TACR3: variants seen among roughly 807,000 people sequenced by gnomAD.
TACR3 encodes neuromedin-K receptor.
A neutral mutation model predicts 35.0 loss-of-function variants in TACR3; 34 were observed. The ratio of observed to expected loss-of-function variants is 0.97; its 90% CI spans 0.74 to 1.30. The LOEUF (loss-of-function observed/expected upper bound fraction) is 1.30, where lower values mean the gene tolerates loss of function less well. Among genes scored for constraint, TACR3 ranks in the 50% most tolerant of loss-of-function variants. The probability of loss-of-function intolerance (pLI) is 0.00; values close to 1 mark genes in which losing one functional copy is unlikely to be tolerated. For synonymous variants in TACR3, 233 were observed against 221.1 expected (o/e 1.05, Z -0.48); for missense variants, 558 against 591.7 (o/e 0.94, Z 0.59).
intron 3 of TACR3, among the ~76,000 whole-genome samples, chr4:103,650,762 TG>T (rs1725591036): frequency 2.2e-5 from 2 of 89,896 alleles, no homozygotes; most frequent in African/African-American, 9.3e-5. Context: ...ATATTATATA[TG>T]ATGTATATAA....
chr4:103,719,697 G>T lies in TACR3; in HGVS notation c.-22C>A. 1 of 1,605,020 alleles carries T rather than the reference G, an allele frequency of 6.2e-7. No homozygotes were observed. Among genetic ancestry groups the T allele is most frequent in the Non-Finnish European group, 8.5e-7 (1 of 1,179,928 alleles). ...CCATCGCCACCGGTCTGCAGTCCCG[G>T]ACCCTCCCACTCACCCACGGGCAGC... is the stretch of plus-strand genomic sequence containing the variant. On this transcript the variant is annotated 5_prime_UTR_variant, in exon 1 of 5. Coordinates refer to ENST00000304883, the MANE Select transcript of TACR3 (RefSeq NM_001059.3).
chr4:103,697,329 G>A (rs1406094489), intron 1 of TACR3, among the ~76,000 whole-genome samples: 1 of 152,158 alleles, frequency 6.6e-6, no homozygotes, highest in African/African-American at 2.4e-5. Flanking sequence ...GTTAATGTGT[G>A]AGTTAATATG....
intron 1 of TACR3, among the ~76,000 whole-genome samples, chr4:103,701,074 A>G (rs1722638761): frequency 6.6e-6 from 1 of 152,104 alleles, no homozygotes. Context: ...GAAGGAAATA[A>G]AGGGTATTCA....
chr4:103,661,537 A>G (rs997904788), intron 1 of TACR3, among the ~76,000 whole-genome samples: 5 of 152,150 alleles, frequency 3.3e-5, no homozygotes, highest in African/African-American at 1.2e-4. Flanking sequence ...GAGTAAAGGG[A>G]GAAGTGGAAT....
At chr4:103,656,731 A>T (rs559516045) in intron 2 of TACR3, among the ~76,000 whole-genome samples, 1 of 152,120 alleles carries the variant, frequency 6.6e-6, no homozygotes, top group African/African-American at 2.4e-5. Flanking sequence ...AAATGAATCA[A>T]CCGGCATATG....
intron 3 of TACR3, among the ~76,000 whole-genome samples, chr4:103,595,550 T>C (rs1560798823): frequency 6.6e-6 from 1 of 152,116 alleles, no homozygotes; most frequent in East Asian, 1.9e-4. Context: ...GATTTTTGTA[T>C]ACCGTACAGA....
intron 3 of TACR3, among the ~76,000 whole-genome samples, chr4:103,628,379 C>T (rs1182926811): frequency 6.7e-6 from 1 of 149,116 alleles, no homozygotes; most frequent in Non-Finnish European, 1.5e-5. Context: ...AAAAGATCAA[C>T]AAAATTGATG....
At chr4:103,694,177 A>G (rs979842640) in intron 1 of TACR3, among the ~76,000 whole-genome samples, 1 of 151,748 alleles carries the variant, frequency 6.6e-6, no homozygotes, top group South Asian at 2.1e-4. Flanking sequence ...ACTTTTTAAA[A>G]CTCTACATCC....
At chr4:103,599,316 CTT>C (rs1315403481) in intron 3 of TACR3, among the ~76,000 whole-genome samples, 1 of 152,184 alleles carries the variant, frequency 6.6e-6, no homozygotes. Flanking sequence ...TATCCTGAGA[CTT>C]TGCTGAAGTT....
chr4:103,638,390 T>G (rs1390075254), intron 3 of TACR3, among the ~76,000 whole-genome samples: 1 of 151,920 alleles, frequency 6.6e-6, no homozygotes, highest in Non-Finnish European at 1.5e-5. Flanking sequence ...TAGCCATATG[T>G]AGAAAGCTGA....
chr4:103,677,730 A>G (rs1726202484), intron 1 of TACR3, among the ~76,000 whole-genome samples: 2 of 152,116 alleles, frequency 1.3e-5, no homozygotes, highest in Admixed American at 1.3e-4. Context: ...GAGGAAGAAG[A>G]GCATCATGAA....
chr4:103,716,471 C>T (rs750343614), intron 1 of TACR3, among the ~76,000 whole-genome samples: 3 of 152,002 alleles, frequency 2.0e-5, no homozygotes, highest in African/African-American at 7.3e-5. Flanking sequence ...TTATTTAAAT[C>T]GTGAAAATAG....
At chr4:103,635,934 C>A (rs1045049505) in intron 3 of TACR3, among the ~76,000 whole-genome samples, 2 of 151,898 alleles carry the variant, frequency 1.3e-5, no homozygotes, top group Non-Finnish European at 2.9e-5. Context: ...TTTGTATCAT[C>A]ACTCTCCTTT....
intron 3 of TACR3, among the ~76,000 whole-genome samples, chr4:103,641,698 C>G (rs1206288221): frequency 6.6e-6 from 1 of 151,888 alleles, no homozygotes. Flanking sequence ...CAACATTATT[C>G]ACAATAGCCA....
intron 1 of TACR3, among the ~76,000 whole-genome samples, chr4:103,702,180 C>T (rs1722666926): frequency 6.6e-6 from 1 of 152,164 alleles, no homozygotes; most frequent in Admixed American, 6.5e-5. Flanking sequence ...CCAGAATCTA[C>T]AATGAACTCA....
intron 3 of TACR3, among the ~76,000 whole-genome samples, chr4:103,655,959 G>A (rs975061002): frequency 1.3e-5 from 2 of 151,794 alleles, no homozygotes; most frequent in African/African-American, 4.8e-5. Context: ...TTTACAAAAG[G>A]CAATTTTTAA....
chr4:103,630,969 G>T (rs1426987860), intron 3 of TACR3, among the ~76,000 whole-genome samples: 1 of 152,122 alleles, frequency 6.6e-6, no homozygotes, highest in Non-Finnish European at 1.5e-5. Flanking sequence ...AGAAAATGTG[G>T]CACATATACA....
At chr4:103,668,119 G>C (rs62340658) in intron 1 of TACR3, among the ~76,000 whole-genome samples, 1 of 152,088 alleles carries the variant, frequency 6.6e-6, no homozygotes, top group East Asian at 1.9e-4. Flanking sequence ...CACCTGGCCA[G>C]AAGATTATTT....
chr4:103,714,392 G>T (rs556215893), intron 1 of TACR3, among the ~76,000 whole-genome samples: 1 of 151,994 alleles, frequency 6.6e-6, no homozygotes, highest in African/African-American at 2.4e-5. Context: ...ATAAGAATTG[G>T]CACTATAATT....
Sources: gnomAD v4.1 joint callset for allele counts (sites outside exome capture counted in the v4.1 genomes callset) on GRCh38, gnomAD v4.1.1 for gene constraint, MANE v1.5 for transcripts, NCBI Gene and HGNC (gene_info 2026-07-23, HGNC 2026-07-21) for gene names.